Variants in IGSF10 observed in about 807,000 individuals in gnomAD.
IGSF10 encodes the protein calvaria mechanical force protein 608.
IGSF10 carries 126 observed loss-of-function variants against 128.2 expected under a neutral mutation model. The ratio of observed to expected loss-of-function variants is 0.98; its 90% CI spans 0.85 to 1.14. The LOEUF is 1.14. Among genes scored for constraint, IGSF10 ranks in the 50% most tolerant of loss-of-function variants. The pLI is 0.00. For synonymous variants in IGSF10, 1,185 were observed against 1,146.2 expected, an observed-to-expected ratio of 1.03 and a Z score of -0.68; for missense variants, 3,295 against 3,149.8, an observed-to-expected ratio of 1.05 and a Z score of -1.10.
the IGSF10 span, among the ~76,000 whole-genome samples, chr3:151,618,527 A>G: frequency 6.6e-6 from 1 of 152,006 alleles, no homozygotes; most frequent in African/African-American, 2.4e-5. Flanking sequence ...TCAGGAGATC[A>G]AGACCATCCT....
At chr3:151,510,662 C>A in the IGSF10 span, among the ~76,000 whole-genome samples, 1 of 152,090 alleles carries the variant, frequency 6.6e-6, no homozygotes, top group African/African-American at 2.4e-5. Flanking sequence ...GATCAAACTA[C>A]TCTGAGCTAA....
At chr3:151,576,617 C>G in the IGSF10 span, among the ~76,000 whole-genome samples, 2 of 152,182 alleles carry the variant, frequency 1.3e-5, no homozygotes, top group Non-Finnish European at 2.9e-5. Flanking sequence ...GGTAAAGAAG[C>G]TGGCCATAAC....
At chr3:151,487,116 C>G in the IGSF10 span, among the ~76,000 whole-genome samples, 1 of 151,992 alleles carries the variant, frequency 6.6e-6, no homozygotes, top group African/African-American at 2.4e-5. Context: ...AAAGAAGAAT[C>G]AAATAGGTGC....
chr3:151,539,488 A>G, the IGSF10 span, among the ~76,000 whole-genome samples: 1 of 152,176 alleles, frequency 6.6e-6, no homozygotes, highest in Non-Finnish European at 1.5e-5. Flanking sequence ...GGGTCTTTTA[A>G]CACATCTTGG....
chr3:151,442,154 A>C (rs1323055503), intron 7 of IGSF10, among the ~76,000 whole-genome samples: 1 of 152,162 alleles, frequency 6.6e-6, no homozygotes, highest in African/African-American at 2.4e-5. Flanking sequence ...GGGGCCCTGA[A>C]TATGTTTCAC....
chr3:151,432,635 G>C, downstream of IGSF10: 1 of 740,020 alleles, frequency 1.4e-6, no homozygotes. Flanking sequence ...AGTACTCTCC[G>C]GCCATTCTGT....
chr3:151,564,716 C>T, the IGSF10 span, among the ~76,000 whole-genome samples: 4 of 152,184 alleles, frequency 2.6e-5, no homozygotes, highest in South Asian at 2.1e-4. Context: ...TCCTTAGAGG[C>T]CAAGAAACAA....
At chr3:151,473,355 CTAT>C in the IGSF10 span, among the ~76,000 whole-genome samples, 1 of 152,188 alleles carries the variant, frequency 6.6e-6, no homozygotes, top group Admixed American at 6.5e-5. Flanking sequence ...GAATGGAAAA[CTAT>C]TATTGATATT....
chr3:151,482,492 G>C, the IGSF10 span, among the ~76,000 whole-genome samples: 1 of 152,144 alleles, frequency 6.6e-6, no homozygotes, highest in Non-Finnish European at 1.5e-5. Context: ...TTGAAGACTG[G>C]TTTTTTAACA....
the IGSF10 span, among the ~76,000 whole-genome samples, chr3:151,467,757 A>G: frequency 5.3e-5 from 8 of 151,810 alleles, no homozygotes; most frequent in Non-Finnish European, 7.4e-5. Flanking sequence ...GGTGGCGGGC[A>G]CCTGTAGTCC....
chr3:151,490,404 T>C, the IGSF10 span, among the ~76,000 whole-genome samples: 21 of 152,150 alleles, frequency 1.4e-4, 1 homozygote, highest in Admixed American at 1.0e-3. Flanking sequence ...AAGGGAGACA[T>C]AGACAGCAAT....
At chr3:151,591,967 T>G in the IGSF10 span, among the ~76,000 whole-genome samples, 1 of 152,174 alleles carries the variant, frequency 6.6e-6, no homozygotes, top group African/African-American at 2.4e-5. Flanking sequence ...TTAGCAAATT[T>G]TAAATGCAGT....
Position 151,437,445 on chromosome 3 carries a change from A to C in IGSF10, c.7116T>G (p.Ile2372Met). ...TGGAAAATCGTGTGCCATTTGGTAA[A>C]ATCCAGATTATTTCAGGTGGTGGGT... ...DGNPPPEIIW[I>M]LPNGTRFSNG... The change falls in exon 8 of 8, where the codon ATT becomes ATG. Residue 2372 changes from isoleucine to methionine, a missense_variant. Ile to Met is a conservative substitution (Grantham distance 10). Coordinates refer to ENST00000282466, the MANE Select transcript of IGSF10 (RefSeq NM_178822.5). 5.6e-6 allele frequency: 9 copies of C among 1,614,216 alleles called. No homozygotes were observed. The highest frequency in any genetic ancestry group is 7.6e-6 in the Non-Finnish European group (9 of 1,180,048).
chr3:151,438,210 A>G lies in IGSF10; in HGVS notation c.6351T>C (p.Tyr2117=), dbSNP rs752247874. The G allele has an allele frequency of 1.1e-5, 17 of 1,614,040 alleles. No individual in the cohort carries two copies. Among genetic ancestry groups the G allele is most frequent in the Admixed American group, 1.7e-5 (1 of 60,006 alleles). ...CTAGGGTGTTCTGGGCATAGCAAGT[A>G]TAATCTCCTTCCTCCGCTACCCCAA... ...NKVGVAEEGD[Y]TCYAQNTLGK... The change falls in exon 8 of 8, where the codon TAT becomes TAC. Residue 2117 remains tyrosine, a synonymous_variant. Coordinates refer to ENST00000282466, the MANE Select transcript of IGSF10 (RefSeq NM_178822.5).
At chr3:151,484,316 TA>T in the IGSF10 span, among the ~76,000 whole-genome samples, 3 of 152,074 alleles carry the variant, frequency 2.0e-5, no homozygotes, top group Non-Finnish European at 2.9e-5. Flanking sequence ...GACTTATAGA[TA>T]AAAACCCCCA....
the IGSF10 span, among the ~76,000 whole-genome samples, chr3:151,547,775 A>G: frequency 6.6e-6 from 1 of 152,174 alleles, no homozygotes; most frequent in African/African-American, 2.4e-5. Context: ...CTGATATTGC[A>G]TGTCTGAAAA....
chr3:151,474,526 G>A, the IGSF10 span, among the ~76,000 whole-genome samples: 1 of 152,206 alleles, frequency 6.6e-6, no homozygotes, highest in Admixed American at 6.5e-5. Context: ...TTTAAATTAG[G>A]CTACTTTCCA....
At chr3:151,434,338 CA>C (rs1328355220), downstream of IGSF10, 1 of 152,094 alleles carries the variant, frequency 6.6e-6, no homozygotes, top group Non-Finnish European at 1.5e-5. Flanking sequence ...TTGACTCATG[CA>C]AATGACCTCA....
At chr3:151,609,524 CA>C in the IGSF10 span, among the ~76,000 whole-genome samples, 62 of 141,902 alleles carry the variant, frequency 4.4e-4, 1 homozygote, top group African/African-American at 1.2e-3. Context: ...AATTGTTCCA[CA>C]AAAAAAAAAC....
Sources: gnomAD v4.1 joint callset for allele counts (sites outside exome capture counted in the v4.1 genomes callset) on GRCh38, gnomAD v4.1.1 for gene constraint, MANE v1.5 for transcripts, NCBI Gene and HGNC (gene_info 2026-07-23, HGNC 2026-07-21) for gene names.